Variants in DNAH2 observed in about 807,000 individuals in gnomAD.
DNAH2 encodes dynein axonemal heavy chain 2.
A neutral mutation model predicts 523.5 loss-of-function variants in DNAH2; 323 were observed. The ratio of observed to expected loss-of-function variants is 0.62; its 90% CI spans 0.56 to 0.68. DNAH2 has a LOEUF of 0.68. DNAH2 is among the 30% of genes least tolerant of loss of function. The probability of loss-of-function intolerance (pLI) is 0.00; values close to 1 mark genes in which losing one functional copy is unlikely to be tolerated. For synonymous variants in DNAH2, 2,093 were observed against 2,177.4 expected (o/e 0.96, Z 1.08); for missense variants, 4,907 against 5,701.5 (o/e 0.86, Z 4.49).
intron 85 of DNAH2, 66 bp downstream of exon 85, chr17:7,833,287 G>A: frequency 2.5e-6 from 4 of 1,606,898 alleles, no homozygotes; most frequent in Middle Eastern, 4.2e-4. Context: ...CCCATTCTCT[G>A]CTCCAGCCCA....
intron 77 of DNAH2, among the ~76,000 whole-genome samples, chr17:7,827,634 CG>C (rs1386524765): frequency 3.3e-5 from 5 of 151,932 alleles, no homozygotes; most frequent in Non-Finnish European, 7.4e-5. Context: ...TTTGTAGAGA[CG>C]GGGTTTCACC....
At chr17:7,825,009 T>G (rs2077980301) in intron 77 of DNAH2, among the ~76,000 whole-genome samples, 1 of 152,176 alleles carries the variant, frequency 6.6e-6, no homozygotes, top group African/African-American at 2.4e-5. Flanking sequence ...GTGAATACTG[T>G]TACCCCCATT....
chr17:7,758,981 A>C lies in DNAH2; in HGVS notation c.2305A>C (p.Lys769Gln). 6.2e-7 allele frequency: 1 copy of C among 1,614,220 alleles called. No homozygotes were observed. The highest frequency in any genetic ancestry group is 8.5e-7 in the Non-Finnish European group (1 of 1,180,032). The change falls in exon 15 of 86, where the codon AAA (lysine) becomes CAA (glutamine). Residue 769 changes from lysine (K) to glutamine (Q), a missense_variant. Around this residue, in one of 3 missense-constraint regions of DNAH2, gnomAD observed 2,806 missense variants for 3,190.8 expected, o/e 0.88. Transcript: ENST00000572933. Reference protein sequence around the residue: ...SEKLLVRISGKRVYRDLEFEE... With the variant: ...SEKLLVRISGQRVYRDLEFEE... ...GAAGCTGCTGGTACGCATTAGTGGC[A>C]AACGGGTATACAGGGACCTGGAATT...
intron 77 of DNAH2, among the ~76,000 whole-genome samples, chr17:7,826,779 T>C (rs2078033635): frequency 6.6e-6 from 1 of 151,894 alleles, no homozygotes; most frequent in Non-Finnish European, 1.5e-5. Context: ...CCTCAGGCAA[T>C]CTGCCTACTC....
chr17:7,829,178 C>T (rs1338556316), intron 77 of DNAH2, among the ~76,000 whole-genome samples: 1 of 152,098 alleles, frequency 6.6e-6, no homozygotes, highest in Non-Finnish European at 1.5e-5. Context: ...CCACGCCTGG[C>T]TAATTTTTGT....
rs55676726 is a variant in DNAH2, at chr17:7,805,084, G to T, written c.9300+10G>T. ...GGAAGAGGCCATGCGGGTACCAGGG[G>T]CGGGTGCAAGGATGGGAGCCAGGAA... On this transcript the variant is annotated intron_variant, in intron 60 of 85. Transcript: ENST00000572933. 62,614 of 1,611,872 alleles carry T rather than the reference G, an allele frequency of 0.039. 1,616 individuals carry two copies. The highest frequency in any genetic ancestry group is 0.089 in the African/African-American group (6,696 of 74,962).
chr17:7,777,700 A>C, intron 33 of DNAH2, 66 bp downstream of exon 33: 2 of 1,580,576 alleles, frequency 1.3e-6, no homozygotes, highest in South Asian at 2.3e-5. Flanking sequence ...TATTGCATCC[A>C]TGTTCTGTAA....
At chr17:7,788,702 GAAGT>G (rs947098627) in intron 44 of DNAH2, among the ~76,000 whole-genome samples, 5 of 152,332 alleles carry the variant, frequency 3.3e-5, no homozygotes, top group African/African-American at 4.8e-5. Flanking sequence ...GCTCAGTTTA[GAAGT>G]AAGGACCAAA....
Position 7,768,065 on chromosome 17 carries a change from G to A in DNAH2, c.3837+4G>A. The stretch of plus-strand genomic sequence containing the variant: ...AAAATTAGCCAAAGAGTATAAGGTG[G>A]GGAGAAACGGCGGGGAGGCGGAAGA... On this transcript the variant is annotated splice_donor_region_variant and intron_variant, in intron 23 of 85. Coordinates refer to ENST00000572933, the MANE Select transcript of DNAH2 (RefSeq NM_020877.5). 6.2e-7 allele frequency: 1 copy of A among 1,614,140 alleles called. No homozygotes were observed. The highest frequency in any genetic ancestry group is 8.5e-7 in the Non-Finnish European group (1 of 1,180,000).
chr17:7,758,719 T>A (rs2075916286), intron 14 of DNAH2, 68 bp downstream of exon 14: 1 of 1,572,768 alleles, frequency 6.4e-7, no homozygotes, highest in Admixed American at 1.9e-5. Flanking sequence ...GAGTGTTGCA[T>A]AGAGATTGGG....
At chr17:7,756,368 C>T (rs369940629) in intron 12 of DNAH2, among the ~76,000 whole-genome samples, 13 of 152,070 alleles carry the variant, frequency 8.5e-5, no homozygotes, top group Admixed American at 1.3e-4. Context: ...CTCCACCTCC[C>T]GGGCTCAAGC....
At position 7,740,849 on chromosome 17, in the gene DNAH2, T is replaced by C. The variant is rs34511268; in HGVS notation, c.1546T>C (p.Tyr516His). ...TTATGACAAGAAGGCGGTGGATCTC[T>C]ACATGCTGTTCAATAGCGAGCTGGC... Reference protein sequence around the residue: ...RTYDKKAVDLYMLFNSELALV... With the variant: ...RTYDKKAVDLHMLFNSELALV... Residue 516 changes from tyrosine to histidine, a missense_variant, in exon 11 of 86, where the codon TAC becomes CAC. Coordinates refer to ENST00000572933, the MANE Select transcript of DNAH2 (RefSeq NM_020877.5). 4,897 of 1,613,426 alleles carry C rather than the reference T, an allele frequency of 3.0e-3. 14 individuals are homozygous for C. Among genetic ancestry groups the C allele is most frequent in the Non-Finnish European group, 3.6e-3 (4,238 of 1,179,406 alleles).
In DNAH2 at chr17:7,752,434, C is replaced by T. The variant is rs969592708; in HGVS notation, c.1905-4657C>T. 6.6e-5 allele frequency among the ~76,000 whole-genome samples: 10 copies of T among 152,116 alleles called. No homozygotes were observed. The East Asian group carries it at 7.7e-4, about 12-fold the overall frequency. ...ACGTAAAACTTGTATGTTCAGGCCG[C>T]GCGCGGTGGCTCACGCCTGTAATCC... On this transcript the variant is annotated intron_variant, in intron 12 of 85. Coordinates refer to ENST00000572933, the MANE Select transcript of DNAH2 (RefSeq NM_020877.5).
rs776222998 is a variant in DNAH2, at chr17:7,759,410, C to G, written c.2449-12C>G. 9.4e-6 allele frequency: 15 copies of G among 1,601,572 alleles called. No homozygotes were observed. The African/African-American group carries it at 2.0e-4, about 21-fold the overall frequency. On this transcript the variant is annotated splice_polypyrimidine_tract_variant and intron_variant, in intron 15 of 85. Coordinates refer to ENST00000572933, the MANE Select transcript of DNAH2 (RefSeq NM_020877.5). ...CTGAAAAGTTCTCTTTTTCCTCCCT[C>G]CATCCCATCAGATTCAGCAGCAGTG...
rs774879906 is a variant in DNAH2, at chr17:7,776,004, A to T, written c.4822-20A>T. On this transcript the variant is annotated intron_variant, in intron 30 of 85. Transcript: ENST00000572933. Reference sequence around the variant, plus strand: ...GTGCCCCCTCAGGCTGAGCTGCCCTATTCTCCCACCTCCCCCCAGTCCTGG... The same window carrying T: ...GTGCCCCCTCAGGCTGAGCTGCCCTTTTCTCCCACCTCCCCCCAGTCCTGG... The T allele has an allele frequency of 8.7e-6, 14 of 1,612,944 alleles. No individual in the cohort carries two copies. Among genetic ancestry groups the T allele is most frequent in the Non-Finnish European group, 1.2e-5 (14 of 1,179,354 alleles).
intron 3 of DNAH2, among the ~76,000 whole-genome samples, chr17:7,726,562 C>CA (rs2074818880): frequency 6.6e-6 from 1 of 152,142 alleles, no homozygotes; most frequent in Non-Finnish European, 1.5e-5. Flanking sequence ...CTCGGCCTCC[C>CA]AAAGTGCTGG....
In DNAH2 at chr17:7,831,360, G is replaced by A. The variant is rs773336814; in HGVS notation, c.12460-30G>A. ...GGGAGGGAAAGTGATGAGAAGAGGG[G>A]GCTACACTCAAGAGCTCCTGCCTGC... On this transcript the variant is annotated intron_variant, in intron 80 of 85. Transcript: ENST00000572933. This position sits in a 1 kb window ranked among gnomAD's most constrained non-coding sequence, Gnocchi z 4.2. The A allele has an allele frequency of 7.4e-6, 12 of 1,613,922 alleles. No individual in the cohort carries two copies. Among genetic ancestry groups the A allele is most frequent in the Non-Finnish European group, 1.0e-5 (12 of 1,180,024 alleles).
chr17:7,781,002 C>G, intron 38 of DNAH2, 40 bp from the exon 39 acceptor site: 1 of 1,613,284 alleles, frequency 6.2e-7, no homozygotes, highest in Non-Finnish European at 8.5e-7. Context: ...GGCCTAGGCC[C>G]TGCCTCCTCA....
intron 12 of DNAH2, among the ~76,000 whole-genome samples, chr17:7,744,822 C>A (rs1478232937): frequency 1.3e-5 from 2 of 152,154 alleles, no homozygotes; most frequent in Non-Finnish European, 2.9e-5. Context: ...AAGACACATT[C>A]TCCCATCGAG....
Sources: allele counts gnomAD v4.1 joint callset (sites outside exome capture counted in the v4.1 genomes callset), GRCh38; gene constraint gnomAD v4.1.1; regional missense constraint gnomAD v4.1.1; non-coding constraint Gnocchi (gnomAD v3.1); transcripts MANE v1.5; gene names NCBI Gene and HGNC (gene_info 2026-07-23, HGNC 2026-07-21).